ZNF609: variants seen among roughly 807,000 people sequenced by gnomAD.
The protein encoded by ZNF609 is zinc finger protein 609.
A neutral mutation model predicts 109.5 loss-of-function variants in ZNF609; 11 were observed. The observed-to-expected ratio is 0.10, with a 90% CI of 0.06 to 0.17. The LOEUF (loss-of-function observed/expected upper bound fraction) is 0.17. ZNF609 is among the 10% of genes least tolerant of loss of function. ZNF609 has a pLI of 1.00. For synonymous variants in ZNF609, 646 were observed against 662.0 expected, an observed-to-expected ratio of 0.98 and a Z score of 0.37; for missense variants, 1,559 against 1,772.4, an observed-to-expected ratio of 0.88 and a Z score of 2.16.
intron 2 of ZNF609, among the ~76,000 whole-genome samples, chr15:64,616,483 G>C (rs7161793): frequency 0.12 from 18,083 of 145,210 alleles, 1,735 homozygotes; most frequent in African/African-American, 0.27. Flanking sequence ...TACCAACATT[G>C]AGATCCTTAT....
At chr15:64,650,430 A>AAAG (rs1896399216) in intron 3 of ZNF609, among the ~76,000 whole-genome samples, 1 of 150,130 alleles carries the variant, frequency 6.7e-6, no homozygotes, top group Non-Finnish European at 1.5e-5. Flanking sequence ...AAAAAAAAAA[A>AAAG]AAATTGTAAA....
chr15:64,600,976 T>C (rs1191128287), intron 2 of ZNF609, among the ~76,000 whole-genome samples: 1 of 152,160 alleles, frequency 6.6e-6, no homozygotes, highest in Non-Finnish European at 1.5e-5. Flanking sequence ...CATTTTATGA[T>C]GCAACTTATG....
intron 2 of ZNF609, among the ~76,000 whole-genome samples, chr15:64,541,703 C>T (rs1215335854): frequency 6.7e-6 from 1 of 149,148 alleles, no homozygotes; most frequent in East Asian, 2.1e-4. Context: ...AGCCGGGCCT[C>T]GTGGTGGGCG....
At chr15:64,591,169 C>G (rs1895288907) in intron 2 of ZNF609, among the ~76,000 whole-genome samples, 2 of 151,996 alleles carry the variant, frequency 1.3e-5, no homozygotes, top group Middle Eastern at 3.2e-3. Context: ...GTGGCTCACG[C>G]CTGCAATCCC....
At position 64,680,228 on chromosome 15, in the gene ZNF609, C is replaced by T. The variant is rs1896862719; in HGVS notation, c.3813C>T (p.Ser1271=). ...GCTACTCTTTTTCCCCATATGGCAGCAAGGTCTCAGGTGGTGAAGATGCTG... is the reference window on the plus strand; with the variant it reads ...GCTACTCTTTTTCCCCATATGGCAGTAAGGTCTCAGGTGGTGAAGATGCTG... The part of the protein sequence containing the change: ...PSSYSFSPYG[S]KVSGGEDADK... Residue 1271 remains serine, a synonymous_variant, in exon 7 of 10, where the codon AGC becomes AGT. Coordinates refer to ENST00000326648, the MANE Select transcript of ZNF609 (RefSeq NM_015042.2). 6.2e-7 allele frequency: 1 copy of T among 1,614,192 alleles called. No homozygotes were observed.
Position 64,674,895 on chromosome 15 carries a change from C to T in ZNF609, c.2041C>T (p.Pro681Ser), listed in dbSNP as rs1896785904. Residue 681 changes from proline (P) to serine (S), a missense_variant, in exon 5 of 10, where the codon CCA becomes TCA. Pro to Ser is a moderately conservative substitution (Grantham distance 74). Coordinates refer to ENST00000326648, the MANE Select transcript of ZNF609 (RefSeq NM_015042.2). ...GACAGCCACCTTCACAGCAGCGAGC[C>T]CAGGCTCTTCCTCAGGCTTGACCGC... Reference protein sequence around the residue: ...FQTATFTAASPGSSSGLTATV... With the variant: ...FQTATFTAASSGSSSGLTATV... 2.5e-6 allele frequency: 4 copies of T among 1,614,136 alleles called. No homozygotes were observed. Among genetic ancestry groups the T allele is most frequent in the South Asian group, 1.1e-5 (1 of 91,080 alleles).
At chr15:64,626,796 A>G (rs1187914490) in intron 3 of ZNF609, among the ~76,000 whole-genome samples, 1 of 152,128 alleles carries the variant, frequency 6.6e-6, no homozygotes, top group African/African-American at 2.4e-5. Context: ...TAATTCAGTA[A>G]GCACTGCAAA....
chr15:64,638,870 T>C (rs936489107), intron 3 of ZNF609, among the ~76,000 whole-genome samples: 4 of 152,122 alleles, frequency 2.6e-5, no homozygotes, highest in African/African-American at 9.7e-5. Flanking sequence ...CATTCCAGCC[T>C]AGGTGACAGA....
At chr15:64,580,721 TG>T (rs1480441726) in intron 2 of ZNF609, among the ~76,000 whole-genome samples, 1 of 151,852 alleles carries the variant, frequency 6.6e-6, no homozygotes, top group East Asian at 1.9e-4. Context: ...TTTGTAGAGA[TG>T]GGGTTCCACC....
At chr15:64,578,694 AAAAC>A (rs972529012) in intron 2 of ZNF609, among the ~76,000 whole-genome samples, 4 of 152,176 alleles carry the variant, frequency 2.6e-5, no homozygotes, top group Admixed American at 6.5e-5. Flanking sequence ...TCTGTCTCAA[AAAAC>A]AAACAAACAA....
intron 2 of ZNF609, among the ~76,000 whole-genome samples, chr15:64,514,838 C>T (rs1046773360): frequency 6.6e-6 from 1 of 152,108 alleles, no homozygotes; most frequent in African/African-American, 2.4e-5. Context: ...GGGTTTCACC[C>T]ACACTTGAGG....
rs887294119 is a variant in ZNF609, at chr15:64,680,764, G to T, written c.4064G>T (p.Arg1355Leu). The T allele has an allele frequency of 2.5e-6, 4 of 1,613,456 alleles. No individual in the cohort carries two copies. Among genetic ancestry groups the T allele is most frequent in the Non-Finnish European group, 3.4e-6 (4 of 1,179,988 alleles). The change falls in exon 8 of 10, where the codon CGC becomes CTC. Residue 1355 changes from arginine (R) to leucine (L), a missense_variant. Arg to Leu is a moderately radical substitution (Grantham distance 102). This residue lies in a region of ZNF609 where 1,204 missense variants were observed against 1,314.1 expected (regional missense o/e 0.92). Transcript: ENST00000326648. ...GGTGAACGGAGTGTTGACCGGCCCC[G>T]CACCTCTCCTTCCCAGCGCCTGATG... is the stretch of plus-strand genomic sequence containing the variant. ...SGGERSVDRP[R>L]TSPSQRLMST...
chr15:64,547,444 T>C (rs1369734026), intron 2 of ZNF609, among the ~76,000 whole-genome samples: 2 of 152,222 alleles, frequency 1.3e-5, no homozygotes, highest in African/African-American at 4.8e-5. Context: ...ATGAATACAG[T>C]TGCAATAATA....
rs746156668 is a variant in ZNF609 at position 64,678,259 on chromosome 15, T to C, written c.3546T>C (p.Asp1182=). 2 of 1,614,042 alleles carry C rather than the reference T, an allele frequency of 1.2e-6. No individual in the cohort carries two copies. The highest frequency in any genetic ancestry group is 1.7e-6 in the Non-Finnish European group (2 of 1,179,984). Residue 1182 remains aspartate, a synonymous_variant, in exon 6 of 10, where the codon GAT becomes GAC. Transcript: ENST00000326648. ...SRSKDSVPKE[D]GKESTSSDCK... is the part of the protein sequence containing the mutation. ...GTAAGGACTCTGTCCCCAAGGAAGA[T>C]GGGAAGGAAAGCACAAGTAGTGACT...
At chr15:64,502,597 TAACA>T (rs1893577631) in intron 2 of ZNF609, 1 of 152,144 alleles carries the variant, frequency 6.6e-6, no homozygotes, top group Non-Finnish European at 1.5e-5. Flanking sequence ...TATGTAGGGA[TAACA>T]AACAGAACCA....
At chr15:64,620,554 G>A (rs1047245560) in intron 2 of ZNF609, among the ~76,000 whole-genome samples, 1 of 152,198 alleles carries the variant, frequency 6.6e-6, no homozygotes, top group Non-Finnish European at 1.5e-5. Flanking sequence ...GAGCAAATAT[G>A]CCTTTTGGCA....
chr15:64,567,743 CCT>C (rs1458536704), intron 2 of ZNF609, among the ~76,000 whole-genome samples: 1 of 151,660 alleles, frequency 6.6e-6, no homozygotes, highest in Non-Finnish European at 1.5e-5. Flanking sequence ...CTCACTGCGA[CCT>C]CTGTCTCCCG....
At chr15:64,526,891 C>A (rs1212675790) in intron 2 of ZNF609, among the ~76,000 whole-genome samples, 1 of 152,156 alleles carries the variant, frequency 6.6e-6, no homozygotes, top group South Asian at 2.1e-4. Context: ...CTCAAATGAT[C>A]ATCCCACCTC....
chr15:64,657,871 T>C (rs1481841674), intron 3 of ZNF609, among the ~76,000 whole-genome samples: 5 of 146,740 alleles, frequency 3.4e-5, no homozygotes, highest in South Asian at 2.1e-4. Flanking sequence ...TATTTACTTC[T>C]TTTTTTTTTA....
Sources: gnomAD v4.1 joint callset for allele counts (sites outside exome capture counted in the v4.1 genomes callset) on GRCh38, gnomAD v4.1.1 for gene constraint, gnomAD v4.1.1 regional missense constraint, MANE v1.5 for transcripts, NCBI Gene and HGNC (gene_info 2026-07-23, HGNC 2026-07-21) for gene names.